The following CTNNA3 variants were observed in gnomAD, a reference collection of about 807,000 sequenced individuals.
CTNNA3 encodes catenin alpha-3.
Under a neutral mutation model 95.7 loss-of-function variants are expected in CTNNA3, and 76 were observed. The observed-to-expected ratio is 0.79, with a 90% CI of 0.66 to 0.96. The LOEUF is 0.96. CTNNA3 is among the 40% of genes least tolerant of loss of function. The probability of loss-of-function intolerance (pLI) is 0.00; values close to 1 mark genes in which losing one functional copy is unlikely to be tolerated. For synonymous variants in CTNNA3, 431 were observed against 374.4 expected (o/e 1.15, Z -1.74); for missense variants, 1,191 against 1,089.8 (o/e 1.09, Z -1.31).
chr10:67,480,696 A>G (rs367886429), intron 5 of CTNNA3, among the ~76,000 whole-genome samples: 2 of 152,200 alleles, frequency 1.3e-5, no homozygotes, highest in Admixed American at 6.5e-5. Context: ...AATGCTTATC[A>G]CTGGCTTATT....
intron 3 of CTNNA3, among the ~76,000 whole-genome samples, chr10:67,547,015 T>C (rs551742172): frequency 2.0e-5 from 3 of 152,194 alleles, no homozygotes; most frequent in Non-Finnish European, 4.4e-5. Flanking sequence ...TTCATTCATA[T>C]ATCAACTATT....
chr10:67,130,438 C>G (rs1859939322), intron 7 of CTNNA3, among the ~76,000 whole-genome samples: 1 of 152,072 alleles, frequency 6.6e-6, no homozygotes, highest in Non-Finnish European at 1.5e-5. Context: ...TTAGGCAAAG[C>G]TGGTCAATGG....
intron 11 of CTNNA3, among the ~76,000 whole-genome samples, chr10:66,493,792 A>G (rs562863937): frequency 5.0e-4 from 75 of 148,772 alleles, no homozygotes; most frequent in African/African-American, 1.8e-3. Flanking sequence ...TTCTTAGTAG[A>G]GACGGGGTTT....
chr10:67,639,391 G>A (rs1319102713), intron 2 of CTNNA3, among the ~76,000 whole-genome samples: 1 of 152,112 alleles, frequency 6.6e-6, no homozygotes, highest in Admixed American at 6.6e-5. Flanking sequence ...AAAAGTCCAG[G>A]ACCAGACAGA....
rs374703865 is a variant in CTNNA3 at position 66,379,244 on chromosome 10, A to G, written c.1640T>C (p.Val547Ala). The G allele has an allele frequency of 6.2e-7, 1 of 1,614,050 alleles. No homozygotes were observed. The highest frequency in any genetic ancestry group is 1.3e-5 in the African/African-American group (1 of 75,004). Residue 547 changes from valine (V) to alanine (A), a missense_variant, in exon 12 of 18, where the codon GTT (valine) becomes GCT (alanine). Val to Ala is a moderately conservative substitution (Grantham distance 64). Coordinates refer to ENST00000433211, the MANE Select transcript of CTNNA3 (RefSeq NM_013266.4). ...CATTTCACCCGTGACGATGTGAGCA[A>G]CTCTTGCTGCCCGGCCTCTGATAGC... is the stretch of plus-strand genomic sequence containing the variant. The part of the protein sequence containing the change: ...AGAIRGRAAR[V>A]AHIVTGEMDS...
intron 7 of CTNNA3, among the ~76,000 whole-genome samples, chr10:66,790,757 T>C (rs995209153): frequency 6.6e-6 from 1 of 152,106 alleles, no homozygotes; most frequent in African/African-American, 2.4e-5. Context: ...CCACATATTT[T>C]AATCGTCTTA....
At chr10:67,138,005 T>C (rs1438275638) in intron 7 of CTNNA3, among the ~76,000 whole-genome samples, 1 of 152,088 alleles carries the variant, frequency 6.6e-6, no homozygotes, top group East Asian at 1.9e-4. Context: ...TTTCTTGGGA[T>C]ATGCCATCCT....
At chr10:66,261,175 C>T (rs1170972029) in intron 13 of CTNNA3, among the ~76,000 whole-genome samples, 2 of 152,060 alleles carry the variant, frequency 1.3e-5, no homozygotes, top group African/African-American at 4.8e-5. Context: ...AAGGGTATAA[C>T]TTTTACCTTT....
intron 13 of CTNNA3, among the ~76,000 whole-genome samples, chr10:66,225,553 T>A (rs2089239826): frequency 6.6e-6 from 1 of 151,328 alleles, no homozygotes; most frequent in Non-Finnish European, 1.5e-5. Flanking sequence ...GATACATATA[T>A]CTTTCTGATA....
At chr10:66,684,129 C>A (rs1376616483) in intron 9 of CTNNA3, among the ~76,000 whole-genome samples, 1 of 152,068 alleles carries the variant, frequency 6.6e-6, no homozygotes, top group East Asian at 1.9e-4. Flanking sequence ...TCTAAACCAG[C>A]AGTTCTCAGT....
intron 7 of CTNNA3, among the ~76,000 whole-genome samples, chr10:66,967,375 C>T (rs934269593): frequency 1.1e-4 from 16 of 151,200 alleles, no homozygotes; most frequent in African/African-American, 3.2e-4. Flanking sequence ...TGTAGATATA[C>T]ATATATCTAC....
chr10:66,083,229 T>C (rs573721765), intron 14 of CTNNA3, among the ~76,000 whole-genome samples: 14 of 152,310 alleles, frequency 9.2e-5, no homozygotes, highest in South Asian at 6.2e-4. Flanking sequence ...CAATTAAAGC[T>C]CTACCCAATC....
At chr10:67,259,962 A>G (rs773415945) in intron 5 of CTNNA3, among the ~76,000 whole-genome samples, 2 of 152,178 alleles carry the variant, frequency 1.3e-5, no homozygotes, top group Non-Finnish European at 2.9e-5. Context: ...TACCATATAT[A>G]CTATATGTTA....
chr10:65,946,325 T>C (rs1214812494), intron 17 of CTNNA3, among the ~76,000 whole-genome samples: 2 of 152,104 alleles, frequency 1.3e-5, no homozygotes, highest in Non-Finnish European at 2.9e-5. Context: ...CACACACACA[T>C]ATTCCACCCT....
intron 13 of CTNNA3, among the ~76,000 whole-genome samples, chr10:66,205,807 G>A (rs1024313122): frequency 5.9e-5 from 9 of 151,938 alleles, no homozygotes; most frequent in African/African-American, 1.4e-4. Flanking sequence ...GTCATTATGT[G>A]TAGCTGAGTT....
At chr10:67,181,418 T>C (rs916008626) in intron 6 of CTNNA3, among the ~76,000 whole-genome samples, 4 of 152,126 alleles carry the variant, frequency 2.6e-5, no homozygotes, top group Admixed American at 1.3e-4. Flanking sequence ...AGAGGAAGTC[T>C]TTCCAAGATT....
intron 5 of CTNNA3, among the ~76,000 whole-genome samples, chr10:67,329,458 G>A (rs1189253204): frequency 6.6e-6 from 1 of 152,114 alleles, no homozygotes; most frequent in African/African-American, 2.4e-5. Flanking sequence ...TGGCAAGGGA[G>A]TTTTACCTTG....
intron 15 of CTNNA3, among the ~76,000 whole-genome samples, chr10:66,008,818 C>T (rs1217537233): frequency 1.3e-5 from 2 of 152,050 alleles, no homozygotes; most frequent in Admixed American, 6.6e-5. Context: ...ATCTGTACTT[C>T]AGGCCGGGTG....
rs968044840 is a variant in CTNNA3 at position 66,544,027 on chromosome 10, C to T, written c.1375-23254G>A. Reference sequence around the variant, plus strand: ...AAATGGATGACCTATCTGCCAGCTCCATTAGTAATTTTATTTACTGCTTCA... The same window carrying T: ...AAATGGATGACCTATCTGCCAGCTCTATTAGTAATTTTATTTACTGCTTCA... On this transcript the variant is annotated intron_variant, in intron 10 of 17. Transcript: ENST00000433211. Among the ~76,000 whole-genome samples, 4 of 145,504 alleles carry T rather than the reference C, an allele frequency of 2.7e-5. No individual in the cohort carries two copies. The East Asian group carries it at 8.2e-4, about 30-fold the overall frequency.
Sources: gnomAD v4.1 joint callset for allele counts (sites outside exome capture counted in the v4.1 genomes callset) on GRCh38, gnomAD v4.1.1 for gene constraint, MANE v1.5 for transcripts, NCBI Gene and HGNC (gene_info 2026-07-23, HGNC 2026-07-21) for gene names.